The following FCRL2 variants were observed in gnomAD, a reference collection of about 807,000 sequenced individuals.
The protein encoded by FCRL2 is Fc receptor like 2, also known as Fc receptor-like protein 2.
In FCRL2, 48 loss-of-function variants were observed where a neutral mutation model predicts 59.8. That is an observed-to-expected ratio of 0.80 (90% CI 0.64 to 1.02). The LOEUF (loss-of-function observed/expected upper bound fraction) is 1.02, where lower values mean the gene tolerates loss of function less well. Among genes scored for constraint, FCRL2 ranks in the 50% least tolerant of loss-of-function variants. FCRL2 has a pLI of 0.00. For synonymous variants in FCRL2, 251 were observed against 229.5 expected (o/e 1.09, Z -0.85); for missense variants, 658 against 597.3 (o/e 1.10, Z -1.06).
At chr1:157,760,812 G>GGGAA (rs139195743) in intron 7 of FCRL2, among the ~76,000 whole-genome samples, 2,425 of 142,110 alleles carry the variant, frequency 0.017, 52 homozygotes, top group African/African-American at 0.051. Flanking sequence ...GAAGGAAGGA[G>GGGAA]GGAAGGAAGG....
intron 10 of FCRL2, among the ~76,000 whole-genome samples, chr1:157,748,131 A>G (rs1647894993): frequency 6.6e-6 from 1 of 152,040 alleles, no homozygotes; most frequent in Non-Finnish European, 1.5e-5. Context: ...TAAAGCCTCT[A>G]TTGCTGGCTG....
intron 3 of FCRL2, 98 bp from the exon 4 acceptor site, chr1:157,770,248 A>G: frequency 1.4e-6 from 2 of 1,476,938 alleles, no homozygotes; most frequent in East Asian, 2.3e-5. Flanking sequence ...CAGGACATTC[A>G]GAGCTAGACA....
Position 157,770,673 on chromosome 1 carries a change from GAGA to G in FCRL2, c.53-10_53-8del, listed in dbSNP as rs759763466. On this transcript the variant is annotated splice_polypyrimidine_tract_variant and splice_region_variant and intron_variant, in intron 2 of 11. Coordinates refer to ENST00000361516, the MANE Select transcript of FCRL2 (RefSeq NM_030764.4). ...GCCACAAGGGTCAGCGAATCTGGAAGAGAAGGAGGGAAACCGGATTTGCCATTT... is the reference window on the plus strand; with the variant it reads ...GCCACAAGGGTCAGCGAATCTGGAAGAGGAGGGAAACCGGATTTGCCATTT... 57 of 1,613,650 alleles carry G rather than the reference GAGA, an allele frequency of 3.5e-5. No individual in the cohort carries two copies. Among genetic ancestry groups the G allele is most frequent in the Non-Finnish European group, 4.7e-5 (56 of 1,179,776 alleles).
rs141224256 is a variant in FCRL2, at chr1:157,766,884, A to T, written c.1250T>A (p.Leu417Gln). The T allele has an allele frequency of 6.2e-7, 1 of 1,614,094 alleles. No homozygotes were observed. The highest frequency in any genetic ancestry group is 1.3e-5 in the African/African-American group (1 of 74,936). ...GVLGFTGVAL[L>Q]LYALFHKISG... ...TATCTTGTGGAACAAGGCATACAAC[A>T]GCAAAGCAACACCAGTGAAACCAAG... is the stretch of plus-strand genomic sequence containing the variant. The change falls in exon 7 of 12, where the codon CTG becomes CAG. Residue 417 changes from leucine (L) to glutamine (Q), a missense_variant. Transcript: ENST00000361516.
chr1:157,768,482 T>C lies in FCRL2; in HGVS notation c.815A>G (p.Lys272Arg), dbSNP rs1649703927. ...IPAVKESDAG[K>R]YYCRADNGHV... Reference sequence around the variant, plus strand: ...GCCGTTGTCAGCTCTACAGTAATATTTGCCGGCATCACTCTCTTTCACAGC... The same window carrying C: ...GCCGTTGTCAGCTCTACAGTAATATCTGCCGGCATCACTCTCTTTCACAGC... Residue 272 changes from lysine to arginine, a missense_variant, in exon 5 of 12, where the codon AAA becomes AGA. By Grantham distance (26) the Lys-to-Arg change is conservative (BLOSUM62 2). Coordinates refer to ENST00000361516, the MANE Select transcript of FCRL2 (RefSeq NM_030764.4). 1 of 1,614,094 alleles carries C rather than the reference T, an allele frequency of 6.2e-7. No homozygotes were observed. The highest frequency in any genetic ancestry group is 8.5e-7 in the Non-Finnish European group (1 of 1,180,046).
chr1:157,749,070 G>C, intron 8 of FCRL2, 110 bp from the exon 9 acceptor site: 1 of 872,352 alleles, frequency 1.1e-6, no homozygotes, highest in Non-Finnish European at 1.8e-6. Context: ...ATGGCTCTCT[G>C]CTTGGGTGAT....
At chr1:157,754,597 G>T (rs1415223576) in intron 7 of FCRL2, among the ~76,000 whole-genome samples, 1 of 151,766 alleles carries the variant, frequency 6.6e-6, no homozygotes, top group Non-Finnish European at 1.5e-5. Context: ...CCTCTCTTGG[G>T]GTCTGGATCC....
At chr1:157,775,819 G>A (rs373560572) in intron 1 of FCRL2, 24 bp from the exon 2 acceptor site, 1 of 1,613,546 alleles carries the variant, frequency 6.2e-7, no homozygotes, top group Non-Finnish European at 8.5e-7. Context: ...AAAAGCCAGA[G>A]ATTAGCACAC....
intron 7 of FCRL2, among the ~76,000 whole-genome samples, chr1:157,764,181 C>A (rs554041663): frequency 6.6e-6 from 1 of 150,918 alleles, no homozygotes; most frequent in African/African-American, 2.4e-5. Flanking sequence ...TCCAGCCTGG[C>A]GACAGAGCAA....
At chr1:157,758,087 T>A (rs977353514) in intron 7 of FCRL2, among the ~76,000 whole-genome samples, 1 of 152,216 alleles carries the variant, frequency 6.6e-6, no homozygotes, top group Non-Finnish European at 1.5e-5. Flanking sequence ...CTATTGTCTT[T>A]TGTAAGTATA....
chr1:157,748,067 G>A (rs1157247584), intron 10 of FCRL2, among the ~76,000 whole-genome samples: 2 of 151,910 alleles, frequency 1.3e-5, no homozygotes, highest in African/African-American at 2.4e-5. Context: ...ACCTCCAGGT[G>A]TCTCTTGCTC....
At chr1:157,760,058 G>T (rs777637147) in intron 7 of FCRL2, among the ~76,000 whole-genome samples, 2 of 152,130 alleles carry the variant, frequency 1.3e-5, no homozygotes, top group African/African-American at 4.8e-5. Flanking sequence ...CCCATCAACA[G>T]TATACCAGAT....
intron 6 of FCRL2, 38 bp downstream of exon 6, chr1:157,767,193 T>C (rs775087526): frequency 1.9e-6 from 3 of 1,580,552 alleles, no homozygotes; most frequent in Non-Finnish European, 2.6e-6. Context: ...GACACAGCCA[T>C]TGACATCAAA....
At chr1:157,750,441 G>T (rs1206546451) in intron 7 of FCRL2, among the ~76,000 whole-genome samples, 1 of 152,176 alleles carries the variant, frequency 6.6e-6, no homozygotes, top group Non-Finnish European at 1.5e-5. Flanking sequence ...TACTACAAGA[G>T]ACATGCTAAA....
chr1:157,768,555 T>C lies in FCRL2; in HGVS notation c.742A>G (p.Met248Val). The change falls in exon 5 of 12, where the codon ATG becomes GTG. Residue 248 changes from methionine (M) to valine (V), a missense_variant. Met to Val is a conservative substitution (Grantham distance 21, BLOSUM62 1). Coordinates refer to ENST00000361516, the MANE Select transcript of FCRL2 (RefSeq NM_030764.4). ...AGGGAACGCTGGGTTTTCTTTCCCATACTGGTTCCTGTGGCCTCTCTGTAC... is the reference window on the plus strand; with the variant it reads ...AGGGAACGCTGGGTTTTCTTTCCCACACTGGTTCCTGTGGCCTCTCTGTAC... ...SWYREATGTS[M>V]GKKTQRSLSA... The C allele has an allele frequency of 1.9e-6, 3 of 1,614,218 alleles. No individual in the cohort carries two copies. The highest frequency in any genetic ancestry group is 2.5e-6 in the Non-Finnish European group (3 of 1,180,022).
chr1:157,763,136 C>T (rs980714593), intron 7 of FCRL2, among the ~76,000 whole-genome samples: 1 of 152,102 alleles, frequency 6.6e-6, no homozygotes, highest in Admixed American at 6.5e-5. Flanking sequence ...ACAAGGAATA[C>T]ACAAAACAAC....
intron 2 of FCRL2, among the ~76,000 whole-genome samples, chr1:157,772,605 G>A (rs1257432446): frequency 1.3e-5 from 2 of 152,212 alleles, no homozygotes; most frequent in East Asian, 1.9e-4. Flanking sequence ...TTCTCACAAC[G>A]TTTAACCTAG....
chr1:157,771,082 C>G (rs1246946059), intron 2 of FCRL2, among the ~76,000 whole-genome samples: 1 of 152,146 alleles, frequency 6.6e-6, no homozygotes. Flanking sequence ...CATGAGGGTT[C>G]CACCGTCATG....
chr1:157,769,707 G>A (rs1649829535), intron 4 of FCRL2, 159 bp downstream of exon 4: 12 of 739,576 alleles, frequency 1.6e-5, no homozygotes, highest in South Asian at 1.3e-4. Context: ...GATTACAGGC[G>A]TGAGCCACCG....
Sources: gnomAD v4.1 joint callset for allele counts (sites outside exome capture counted in the v4.1 genomes callset) on GRCh38, gnomAD v4.1.1 for gene constraint, MANE v1.5 for transcripts, NCBI Gene and HGNC (gene_info 2026-07-23, HGNC 2026-07-21) for gene names.